NPC1: variants seen among roughly 807,000 people sequenced by gnomAD.
NPC1 encodes the protein Niemann-Pick C1 protein.
NPC1 carries 85 observed loss-of-function variants against 140.4 expected under a neutral mutation model. The observed-to-expected ratio is 0.61, with a 90% confidence interval of 0.51 to 0.72. The LOEUF is 0.72. Ranked by LOEUF, NPC1 falls within the 30% of genes least tolerant of loss-of-function variation. NPC1 has a pLI of 0.00. For synonymous variants in NPC1, 656 were observed against 624.8 expected, an observed-to-expected ratio of 1.05 and a Z score of -0.74; for missense variants, 1,504 against 1,623.8, an observed-to-expected ratio of 0.93 and a Z score of 1.27.
downstream of NPC1, chr18:23,526,851 T>C (rs796558818): frequency 1.1e-4 from 170 of 1,522,564 alleles, 2 homozygotes; most frequent in South Asian, 2.1e-3. Flanking sequence ...GGCTACATTG[T>C]TGTGTCTTGT....
intron 7 of NPC1, 57 bp downstream of exon 7, chr18:23,557,060 G>A (rs1295981005): frequency 6.4e-6 from 9 of 1,408,844 alleles, no homozygotes; most frequent in Middle Eastern, 1.8e-4. Flanking sequence ...GGAAACGAAT[G>A]CTCTCATGAC....
intron 24 of NPC1, among the ~76,000 whole-genome samples, chr18:23,532,712 T>C (rs929120228): frequency 6.6e-6 from 1 of 151,264 alleles, no homozygotes; most frequent in African/African-American, 2.4e-5. Context: ...TTTTTTTTTT[T>C]CTTAAAAGGA....
chr18:23,539,596 C>T, intron 18 of NPC1, 126 bp from the exon 19 acceptor site: 2 of 802,946 alleles, frequency 2.5e-6, no homozygotes, highest in Non-Finnish European at 4.0e-6. Context: ...AGAAAAACTA[C>T]ATGAGCACTT....
intron 1 of NPC1, chr18:23,576,966 C>T (rs2059292609): frequency 6.6e-6 from 1 of 152,338 alleles, no homozygotes; most frequent in Non-Finnish European, 1.5e-5. Flanking sequence ...GCTTGGGCAG[C>T]CTGCTTTTAT....
At chr18:23,507,417 A>ATG (rs36123520) in intron 3 of NPC1, among the ~76,000 whole-genome samples, 3,756 of 152,152 alleles carry the variant, frequency 0.025, 122 homozygotes, top group African/African-American at 0.086. Context: ...TTGGAACTTC[A>ATG]TGTGTCTTTT....
chr18:23,544,042 T>C (rs572763097), intron 13 of NPC1, among the ~76,000 whole-genome samples: 3 of 152,318 alleles, frequency 2.0e-5, no homozygotes, highest in Admixed American at 2.0e-4. Context: ...TCCAAAAGTG[T>C]GTTAGCCCTT....
chr18:23,568,740 G>T, intron 4 of NPC1, 83 bp downstream of exon 4: 2 of 1,126,574 alleles, frequency 1.8e-6, no homozygotes, highest in Non-Finnish European at 2.7e-6. Flanking sequence ...ATTTTCCAGA[G>T]TTGACAGGAC....
At chr18:23,536,258 GA>G (rs1266909599) in intron 21 of NPC1, among the ~76,000 whole-genome samples, 2 of 151,718 alleles carry the variant, frequency 1.3e-5, no homozygotes, top group Non-Finnish European at 2.9e-5. Flanking sequence ...TTCTTCCTGG[GA>G]AAAAAAACCC....
intron 4 of NPC1, among the ~76,000 whole-genome samples, chr18:23,567,264 CCCA>C (rs2059138788): frequency 6.6e-6 from 1 of 152,178 alleles, no homozygotes; most frequent in Admixed American, 6.5e-5. Flanking sequence ...GTTTTGTACT[CCCA>C]CCATCAATGA....
intron 3 of NPC1, chr18:23,509,252 A>G (rs760893279): frequency 6.9e-7 from 1 of 1,456,146 alleles, no homozygotes; most frequent in South Asian, 1.7e-5. Context: ...TTGTCTTCAT[A>G]ACAGATCAAG....
intron 3 of NPC1, chr18:23,507,934 A>G (rs377744030): frequency 8.3e-6 from 13 of 1,561,168 alleles, no homozygotes; most frequent in Admixed American, 1.8e-5. Context: ...GTAGGTTGGC[A>G]GTATGCTGCC....
chr18:23,512,942 T>C (rs2057901861), intron 3 of NPC1, among the ~76,000 whole-genome samples: 1 of 152,092 alleles, frequency 6.6e-6, no homozygotes, highest in African/African-American at 2.4e-5. Context: ...TTTTACTTTC[T>C]GTTTCTATGA....
chr18:23,546,315 G>A (rs992952260), intron 11 of NPC1, among the ~76,000 whole-genome samples: 4 of 132,614 alleles, frequency 3.0e-5, no homozygotes, highest in Non-Finnish European at 4.8e-5. Flanking sequence ...ACCACAATGA[G>A]ATACCACTTC....
intron 24 of NPC1, among the ~76,000 whole-genome samples, chr18:23,532,497 G>C (rs1249189171): frequency 1.3e-5 from 2 of 152,118 alleles, no homozygotes; most frequent in African/African-American, 4.8e-5. Context: ...GCAGTGGTAT[G>C]AACACGACTC....
chr18:23,563,296 C>T (rs756134027), intron 4 of NPC1, among the ~76,000 whole-genome samples: 3 of 152,116 alleles, frequency 2.0e-5, no homozygotes, highest in East Asian at 3.8e-4. Context: ...GAGTTGTTTC[C>T]ACAGTTTGGC....
At chr18:23,550,067 A>G (rs2058846773) in intron 10 of NPC1, among the ~76,000 whole-genome samples, 1 of 151,174 alleles carries the variant, frequency 6.6e-6, no homozygotes, top group Admixed American at 6.6e-5. Flanking sequence ...CCAGGCTGGA[A>G]TGTGGTGCAA....
At chr18:23,568,567 G>A (rs1248133563) in intron 4 of NPC1, among the ~76,000 whole-genome samples, 2 of 152,172 alleles carry the variant, frequency 1.3e-5, no homozygotes, top group Non-Finnish European at 2.9e-5. Flanking sequence ...GAAGTGTATG[G>A]ATGCAAACTT....
Position 23,544,324 on chromosome 18 carries a change from G to T in NPC1, c.2130+20C>A, listed in dbSNP as rs755251289. ...GAAACTTGAACAGATGCTGAGCCCT[G>T]TGAGAATATGGAAGTATACCTGGTA... On this transcript the variant is annotated intron_variant, in intron 13 of 24. Coordinates refer to ENST00000269228, the MANE Select transcript of NPC1 (RefSeq NM_000271.5). The T allele has an allele frequency of 3.1e-6, 5 of 1,612,354 alleles. No homozygotes were observed. The East Asian group carries it at 1.1e-4, about 36-fold the overall frequency.
Position 23,557,204 on chromosome 18 carries a change from G to C in NPC1, c.882-14C>G, listed in dbSNP as rs766079208. On this transcript the variant is annotated splice_polypyrimidine_tract_variant and intron_variant, in intron 6 of 24. Transcript: ENST00000269228. ...AAATACCGTTTTCTGAAAAACAGAA[G>C]TGAAGAAATAGCATTAGTGGACTTC... The C allele has an allele frequency of 1.9e-6, 3 of 1,600,568 alleles. No individual in the cohort carries two copies. The highest frequency in any genetic ancestry group is 2.6e-6 in the Non-Finnish European group (3 of 1,169,274).
Sources: allele counts gnomAD v4.1 joint callset (sites outside exome capture counted in the v4.1 genomes callset), GRCh38; gene constraint gnomAD v4.1.1; transcripts MANE v1.5; gene names NCBI Gene and HGNC (gene_info 2026-07-23, HGNC 2026-07-21).